NRXN3: variants seen among roughly 807,000 people sequenced by gnomAD.
The protein encoded by NRXN3 is neurexin III.
In NRXN3, 32 loss-of-function variants were observed where a neutral mutation model predicts 137.6. The observed-to-expected ratio is 0.23, with a 90% CI of 0.18 to 0.31. The LOEUF (loss-of-function observed/expected upper bound fraction) is 0.31. NRXN3 is among the 10% of genes least tolerant of loss of function. The pLI, the probability that NRXN3 is intolerant of heterozygous loss-of-function variation, is 1.00. For missense variants in NRXN3, 1,574 were observed against 2,062.5 expected (o/e 0.76, Z 4.59); for synonymous variants, 798 against 784.5 (o/e 1.02, Z -0.29).
chr14:79,577,769 T>C (rs889770173), intron 16 of NRXN3, among the ~76,000 whole-genome samples: 2 of 152,188 alleles, frequency 1.3e-5, no homozygotes, highest in African/African-American at 4.8e-5. Flanking sequence ...TGAATAAATA[T>C]GATGCTGGTG....
chr14:78,747,564 T>C (rs140696363), intron 8 of NRXN3, among the ~76,000 whole-genome samples: 2 of 152,324 alleles, frequency 1.3e-5, no homozygotes, highest in African/African-American at 4.8e-5. Flanking sequence ...GATTTTCTTT[T>C]TCCTAATTTC....
chr14:78,985,228 T>C (rs2099500199), intron 14 of NRXN3, among the ~76,000 whole-genome samples: 1 of 152,142 alleles, frequency 6.6e-6, no homozygotes. Context: ...CACCCTAACA[T>C]TTACTGGAAC....
chr14:79,623,399 C>T (rs77987661), intron 16 of NRXN3, among the ~76,000 whole-genome samples: 10,494 of 152,130 alleles, frequency 0.069, 1,205 homozygotes, highest in African/African-American at 0.24. Context: ...TAAATTCAGC[C>T]CATCAACTCA....
At chr14:79,417,515 G>C (rs1805484911) in intron 15 of NRXN3, among the ~76,000 whole-genome samples, 1 of 152,088 alleles carries the variant, frequency 6.6e-6, no homozygotes, top group Admixed American at 6.6e-5. Context: ...AACTGCTGCT[G>C]CTGCTACCAT....
intron 8 of NRXN3, among the ~76,000 whole-genome samples, chr14:78,790,434 C>T (rs1196385733): frequency 6.6e-6 from 1 of 152,154 alleles, no homozygotes; most frequent in Non-Finnish European, 1.5e-5. Flanking sequence ...GGGAGGACAT[C>T]ACCCCACATC....
intron 12 of NRXN3, 87 bp downstream of exon 12, chr14:78,966,493 A>G (rs2099417528): frequency 3.6e-6 from 5 of 1,375,454 alleles, no homozygotes; most frequent in Non-Finnish European, 5.0e-6. Flanking sequence ...TAACTTGTCT[A>G]TTCTACTCCC....
intron 4 of NRXN3, among the ~76,000 whole-genome samples, chr14:78,475,233 C>CCCTT (rs61335004): frequency 1 from 151,712 of 152,236 alleles, 75,598 homozygotes; most frequent in Middle Eastern, 1. Flanking sequence ...GTGGATATTC[C>CCCTT]CCTTTCAGAT....
At chr14:78,509,010 T>C (rs2096054640) in intron 4 of NRXN3, among the ~76,000 whole-genome samples, 1 of 152,116 alleles carries the variant, frequency 6.6e-6, no homozygotes, top group South Asian at 2.1e-4. Context: ...TTCCTTATGT[T>C]AAATTTGGGC....
chr14:79,536,446 T>C (rs951673627), intron 16 of NRXN3, among the ~76,000 whole-genome samples: 26 of 152,178 alleles, frequency 1.7e-4, no homozygotes, highest in African/African-American at 6.0e-4. Flanking sequence ...ATTCCCTTTT[T>C]TTATTAATTA....
intron 20 of NRXN3, among the ~76,000 whole-genome samples, chr14:79,843,081 T>A (rs2099359557): frequency 6.6e-6 from 1 of 152,226 alleles, no homozygotes; most frequent in African/African-American, 2.4e-5. Context: ...TAAGGCTGAA[T>A]AATATTCCAC....
intron 16 of NRXN3, among the ~76,000 whole-genome samples, chr14:79,663,547 T>C (rs1228391208): frequency 6.6e-6 from 1 of 152,166 alleles, no homozygotes; most frequent in Non-Finnish European, 1.5e-5. Flanking sequence ...TTGAATGATG[T>C]AACCTGTGCG....
intron 8 of NRXN3, among the ~76,000 whole-genome samples, chr14:78,731,057 G>A (rs1426608142): frequency 6.6e-6 from 1 of 151,856 alleles, no homozygotes; most frequent in Non-Finnish European, 1.5e-5. Flanking sequence ...TCTTGCCTGT[G>A]ATCCTTTCAA....
chr14:79,738,652 G>A (rs111772684), intron 19 of NRXN3, among the ~76,000 whole-genome samples: 16 of 152,210 alleles, frequency 1.1e-4, no homozygotes, highest in East Asian at 1.9e-4. Flanking sequence ...TCCGCCTCCC[G>A]TCTTCAAGTG....
intron 8 of NRXN3, among the ~76,000 whole-genome samples, chr14:78,751,465 C>T (rs1486306948): frequency 2.6e-5 from 4 of 152,122 alleles, no homozygotes; most frequent in African/African-American, 7.2e-5. Flanking sequence ...TTGTGCTCCC[C>T]TCCTCCTTGC....
chr14:78,770,773 A>C (rs1027449214), intron 8 of NRXN3, among the ~76,000 whole-genome samples: 12 of 152,340 alleles, frequency 7.9e-5, no homozygotes, highest in East Asian at 3.9e-4. Flanking sequence ...GGAACAAAGT[A>C]AGTAAGGCAA....
intron 4 of NRXN3, among the ~76,000 whole-genome samples, chr14:78,302,798 T>C (rs2077001489): frequency 6.6e-6 from 1 of 152,234 alleles, no homozygotes. Context: ...TTCTCCTTCC[T>C]GAACCTTCCT....
chr14:78,464,196 G>A lies in NRXN3; in HGVS notation c.757+166336G>A, dbSNP rs543782153. 2.0e-5 allele frequency among the ~76,000 whole-genome samples: 3 copies of A among 152,014 alleles called. No homozygotes were observed. The South Asian group carries it at 6.3e-4, about 32-fold the overall frequency. On this transcript the variant is annotated intron_variant, in intron 4 of 20. Transcript: ENST00000335750. ...GCCTCCCGAGTAGCTGGGCCTACAG[G>A]CACCCGCCACCATGTCCAGCTAATT...
At chr14:79,639,618 C>T (rs2098422758) in intron 16 of NRXN3, among the ~76,000 whole-genome samples, 3 of 152,156 alleles carry the variant, frequency 2.0e-5, no homozygotes, top group Admixed American at 1.3e-4. Flanking sequence ...ATGAGAATGT[C>T]AGTCTTGACT....
At chr14:78,879,245 C>T (rs769327250) in intron 10 of NRXN3, among the ~76,000 whole-genome samples, 6 of 152,160 alleles carry the variant, frequency 3.9e-5, no homozygotes, top group Admixed American at 1.3e-4. Context: ...ATCACTGGAT[C>T]GTATGGTAAT....
Sources: gnomAD v4.1 joint callset for allele counts (sites outside exome capture counted in the v4.1 genomes callset) on GRCh38, gnomAD v4.1.1 for gene constraint, MANE v1.5 for transcripts, NCBI Gene and HGNC (gene_info 2026-07-23, HGNC 2026-07-21) for gene names.